The following ABCB1 variants were observed in gnomAD, a reference collection of about 807,000 sequenced individuals.
ABCB1 encodes ATP binding cassette subfamily B member 1, also known as ATP-dependent translocase ABCB1.
Under a neutral mutation model 142.0 loss-of-function variants are expected in ABCB1, and 69 were observed. The ratio of observed to expected loss-of-function variants is 0.49; its 90% confidence interval spans 0.40 to 0.59. ABCB1 has a LOEUF of 0.59. Among genes scored for constraint, ABCB1 ranks in the 20% least tolerant of loss-of-function variants. The pLI, the probability that ABCB1 is intolerant of heterozygous loss-of-function variation, is 0.00. For missense variants in ABCB1, 1,326 were observed against 1,554.7 expected, an observed-to-expected ratio of 0.85 and a Z score of 2.47; for synonymous variants, 532 against 539.2, an observed-to-expected ratio of 0.99 and a Z score of 0.18.
intron 1 of ABCB1, among the ~76,000 whole-genome samples, chr7:87,690,055 G>T (rs759403222): frequency 2.0e-5 from 3 of 151,766 alleles, no homozygotes; most frequent in Non-Finnish European, 2.9e-5. Context: ...ATCTCGAACC[G>T]CTGAGCTCAA....
At chr7:87,561,671 G>T (rs1817568207) in intron 7 of ABCB1, among the ~76,000 whole-genome samples, 1 of 152,146 alleles carries the variant, frequency 6.6e-6, no homozygotes, top group Non-Finnish European at 1.5e-5. Context: ...ATGCTGAAGT[G>T]GTCAACTACC....
chr7:87,661,919 T>G (rs1824753895), intron 1 of ABCB1, among the ~76,000 whole-genome samples: 1 of 152,106 alleles, frequency 6.6e-6, no homozygotes, highest in Admixed American at 6.6e-5. Flanking sequence ...TATTCATTAT[T>G]GCTTGTCTTT....
At chr7:87,560,513 T>C (rs1424136282) in intron 8 of ABCB1, among the ~76,000 whole-genome samples, 1 of 152,156 alleles carries the variant, frequency 6.6e-6, no homozygotes, top group Non-Finnish European at 1.5e-5. Context: ...TAACCATTAT[T>C]CTGATTTCTG....
chr7:87,702,901 A>G (rs1829218522), intron 1 of ABCB1, among the ~76,000 whole-genome samples: 1 of 152,194 alleles, frequency 6.6e-6, no homozygotes, highest in South Asian at 2.1e-4. Flanking sequence ...TGGAAAAGGT[A>G]TACTCAACAG....
intron 1 of ABCB1, among the ~76,000 whole-genome samples, chr7:87,680,577 TA>T (rs1307829424): frequency 6.6e-6 from 1 of 150,508 alleles, no homozygotes; most frequent in Non-Finnish European, 1.5e-5. Context: ...TGGATCACCT[TA>T]GGTCAGGAGT....
At chr7:87,691,382 C>T (rs1292478277) in intron 1 of ABCB1, among the ~76,000 whole-genome samples, 1 of 152,062 alleles carries the variant, frequency 6.6e-6, no homozygotes, top group Non-Finnish European at 1.5e-5. Flanking sequence ...CCTGAAATAA[C>T]TATATGGTAT....
chr7:87,683,946 A>G (rs773480484), intron 1 of ABCB1, among the ~76,000 whole-genome samples: 2 of 152,244 alleles, frequency 1.3e-5, no homozygotes, highest in Non-Finnish European at 2.9e-5. Flanking sequence ...AGAATCTTCA[A>G]TAAATATTGA....
chr7:87,504,558 C>T (rs1814638649), intron 27 of ABCB1, 109 bp from the exon 28 acceptor site: 1 of 1,478,784 alleles, frequency 6.8e-7, no homozygotes. Flanking sequence ...CCTGTAATCC[C>T]AGCACTTTGG....
chr7:87,597,161 T>G (rs1819241772), intron 2 of ABCB1, among the ~76,000 whole-genome samples: 1 of 152,014 alleles, frequency 6.6e-6, no homozygotes, highest in African/African-American at 2.4e-5. Flanking sequence ...ACCACCAAAC[T>G]ATAAGGTGCA....
intron 2 of ABCB1, 113 bp from the exon 3 acceptor site, chr7:87,595,927 A>G (rs1819188771): frequency 7.6e-6 from 6 of 787,578 alleles, no homozygotes; most frequent in African/African-American, 5.3e-5. Flanking sequence ...AAATATGTCT[A>G]TATTATACAG....
At chr7:87,576,757 TTTTAA>T (rs1442893761) in intron 4 of ABCB1, among the ~76,000 whole-genome samples, 4 of 151,958 alleles carry the variant, frequency 2.6e-5, no homozygotes, top group African/African-American at 9.7e-5. Flanking sequence ...TTAATTTTAA[TTTTAA>T]TTTATTTTTA....
rs955819390 is a variant in ABCB1 at position 87,700,352 on chromosome 7, G to A, written c.-331+12809C>T. ...TACCTTTATTTTTCAGAATTTTATT[G>A]TTCTTGCATTTTCAAGTCTAGTTTT... On this transcript the variant is annotated intron_variant, in intron 1 of 28. Transcript: ENST00000265724. 4 of 1,300,870 alleles carry A rather than the reference G, an allele frequency of 3.1e-6. 1 individual carries two copies. Among genetic ancestry groups the A allele is most frequent in the Non-Finnish European group, 2.1e-6 (2 of 950,570 alleles). The allele number at this position is 1,300,870 out of a possible 1,614,324, so 80.6% of individuals were successfully genotyped here.
In ABCB1 at chr7:87,679,794, T is replaced by C. The variant is rs144014763; in HGVS notation, c.-331+33367A>G. Among the ~76,000 whole-genome samples, 476 of 150,576 alleles carry C rather than the reference T, an allele frequency of 3.2e-3. 33 individuals carry two copies. The highest frequency in any genetic ancestry group is 0.011 in the African/African-American group (458 of 40,582). On this transcript the variant is annotated intron_variant, in intron 1 of 28. Coordinates refer to the ABCB1 transcript ENST00000265724. ...TTAAAAAAGATCTTATTCTGAGCCA[T>C]AAAAGAAACCTTAGCAAATTTAAAA...
intron 4 of ABCB1, among the ~76,000 whole-genome samples, chr7:87,577,143 C>A (rs942682199): frequency 2.0e-5 from 3 of 152,148 alleles, no homozygotes; most frequent in African/African-American, 7.2e-5. Flanking sequence ...TTTTTTAGCT[C>A]CCACAAATAA....
At chr7:87,547,026 C>T (rs1047624065) in intron 14 of ABCB1, among the ~76,000 whole-genome samples, 1 of 152,194 alleles carries the variant, frequency 6.6e-6, no homozygotes, top group Admixed American at 6.5e-5. Context: ...TGAAGAGTCA[C>T]GTAAGTCTCT....
At chr7:87,647,650 C>T (rs1314035961) in intron 1 of ABCB1, among the ~76,000 whole-genome samples, 4 of 152,102 alleles carry the variant, frequency 2.6e-5, no homozygotes, top group African/African-American at 7.2e-5. Context: ...CCTACAATAA[C>T]GTGGTTTCAA....
At chr7:87,697,009 A>G (rs185927457) in intron 1 of ABCB1, among the ~76,000 whole-genome samples, 3 of 152,274 alleles carry the variant, frequency 2.0e-5, no homozygotes, top group African/African-American at 4.8e-5. Flanking sequence ...TTGGTTTTCA[A>G]CAGCTCTACT....
Position 87,687,451 on chromosome 7 carries a change from TAA to T in ABCB1, c.-331+25708_-331+25709del, listed in dbSNP as rs1189247989. On this transcript the variant is annotated intron_variant, in intron 1 of 28. Coordinates refer to the ABCB1 transcript ENST00000265724. ...CTGACCTCTTTCCCCTGAGTTACAT[TAA>T]GTCTTAACTTCTAGCATATTATTTT... Among the ~76,000 whole-genome samples the T allele has an allele frequency of 5.3e-5, 8 of 152,316 alleles. No homozygotes were observed. In the East Asian group the frequency reaches 5.8e-4, roughly 11 times the overall value.
At chr7:87,553,317 CTTTTTT>C (rs941637830) in intron 9 of ABCB1, among the ~76,000 whole-genome samples, 4 of 112,666 alleles carry the variant, frequency 3.6e-5, no homozygotes, top group African/African-American at 1.1e-4. Context: ...TTTTTTTCCA[CTTTTTT>C]TTTTTTTTTT....
Sources: gnomAD v4.1 joint callset for allele counts (sites outside exome capture counted in the v4.1 genomes callset) on GRCh38, gnomAD v4.1.1 for gene constraint, MANE v1.5 for transcripts, NCBI Gene and HGNC (gene_info 2026-07-23, HGNC 2026-07-21) for gene names.